The following ACAP2 variants were observed in gnomAD, a reference collection of about 807,000 sequenced individuals.
ACAP2 encodes the protein arf-GAP with coiled-coil, ANK repeat and PH domain-containing protein 2.
A neutral mutation model predicts 115.8 loss-of-function variants in ACAP2; 39 were observed. The ratio of observed to expected loss-of-function variants is 0.34; its 90% CI spans 0.26 to 0.44. The LOEUF is 0.44. ACAP2 is among the 20% of genes least tolerant of loss of function. ACAP2 has a pLI of 1.00. For missense variants in ACAP2, 662 were observed against 927.6 expected, an observed-to-expected ratio of 0.71 and a Z score of 3.72; for synonymous variants, 289 against 315.8, an observed-to-expected ratio of 0.92 and a Z score of 0.90.
chr3:195,369,528 T>C (rs1223896706), intron 4 of ACAP2, among the ~76,000 whole-genome samples: 2 of 152,232 alleles, frequency 1.3e-5, no homozygotes, highest in African/African-American at 4.8e-5. Context: ...TATTTGGTTT[T>C]CTGTTCCTAT....
At position 195,424,100 on chromosome 3, in the gene ACAP2, T is replaced by A. The variant is rs534563338; in HGVS notation, c.53+18695A>T. 3.7e-4 allele frequency among the ~76,000 whole-genome samples: 56 copies of A among 151,682 alleles called. No individual in the cohort carries two copies. The Middle Eastern group carries it at 0.017, about 46-fold the overall frequency. On this transcript the variant is annotated intron_variant, in intron 1 of 22. Coordinates refer to ENST00000326793, the MANE Select transcript of ACAP2 (RefSeq NM_012287.6). Reference sequence around the variant, plus strand: ...GATGGTTCAAGATTCAGAGCAGAAATGACAGAGTTCAAATCCCCTCCTACC... The same window carrying A: ...GATGGTTCAAGATTCAGAGCAGAAAAGACAGAGTTCAAATCCCCTCCTACC...
intron 10 of ACAP2, among the ~76,000 whole-genome samples, chr3:195,310,846 T>C (rs1253536769): frequency 6.6e-6 from 1 of 152,198 alleles, no homozygotes; most frequent in Admixed American, 6.5e-5. Context: ...GGAAAGAAAA[T>C]ATAAACTCTT....
chr3:195,386,711 G>A (rs558286771), intron 2 of ACAP2, among the ~76,000 whole-genome samples: 2 of 152,026 alleles, frequency 1.3e-5, no homozygotes, highest in East Asian at 3.9e-4. Context: ...ATGATGCGTT[G>A]ATGGGTGCAG....
chr3:195,296,346 A>AG (rs201511025), intron 16 of ACAP2, among the ~76,000 whole-genome samples: 2,036 of 152,320 alleles, frequency 0.013, 32 homozygotes, highest in African/African-American at 0.043. Context: ...AACAACATAT[A>AG]GCATTATTAA....
At chr3:195,424,696 G>A (rs1343513001) in intron 1 of ACAP2, among the ~76,000 whole-genome samples, 1 of 151,794 alleles carries the variant, frequency 6.6e-6, no homozygotes, top group Non-Finnish European at 1.5e-5. Flanking sequence ...TGGGAGGATA[G>A]CTTCAGCCCA....
chr3:195,396,407 T>C (rs1711778194), intron 1 of ACAP2, among the ~76,000 whole-genome samples: 1 of 152,086 alleles, frequency 6.6e-6, no homozygotes, highest in Non-Finnish European at 1.5e-5. Context: ...AGCTACTGTT[T>C]GTAAAAAGAG....
intron 10 of ACAP2, among the ~76,000 whole-genome samples, chr3:195,319,985 G>A (rs1477943711): frequency 6.6e-6 from 1 of 152,142 alleles, no homozygotes; most frequent in Admixed American, 6.5e-5. Context: ...TGGGTCATGG[G>A]AGCGGTTTCC....
intron 16 of ACAP2, 86 bp downstream of exon 16, chr3:195,297,104 G>A: frequency 8.5e-7 from 1 of 1,181,806 alleles, no homozygotes. Flanking sequence ...TAAACACTTT[G>A]TCTCAATGTT....
At chr3:195,322,507 C>CT (rs1729514954) in intron 9 of ACAP2, among the ~76,000 whole-genome samples, 1 of 152,044 alleles carries the variant, frequency 6.6e-6, no homozygotes, top group Non-Finnish European at 1.5e-5. Context: ...ACCTTTGAAA[C>CT]TTTAACCACG....
At chr3:195,369,182 T>C (rs1470985912) in intron 4 of ACAP2, among the ~76,000 whole-genome samples, 1 of 152,210 alleles carries the variant, frequency 6.6e-6, no homozygotes, top group Non-Finnish European at 1.5e-5. Flanking sequence ...TCAAAAACAT[T>C]TTTTTAAATC....
intron 21 of ACAP2, among the ~76,000 whole-genome samples, chr3:195,288,917 A>G (rs1005830796): frequency 4.6e-5 from 7 of 152,360 alleles, no homozygotes; most frequent in African/African-American, 1.7e-4. Flanking sequence ...TTTCCATTGT[A>G]TTAAGTATAA....
chr3:195,377,736 T>C (rs767948365), intron 4 of ACAP2, among the ~76,000 whole-genome samples: 1 of 151,912 alleles, frequency 6.6e-6, no homozygotes, highest in Non-Finnish European at 1.5e-5. Flanking sequence ...AGAAGAAAAT[T>C]AAAAGAAAGT....
chr3:195,288,103 A>T (rs899197159), intron 21 of ACAP2, among the ~76,000 whole-genome samples: 1 of 152,066 alleles, frequency 6.6e-6, no homozygotes, highest in African/African-American at 2.4e-5. Context: ...CTGTCTCAAA[A>T]AAAAAAAAAA....
At chr3:195,437,345 C>T (rs2108873315) in intron 1 of ACAP2, among the ~76,000 whole-genome samples, 1 of 152,252 alleles carries the variant, frequency 6.6e-6, no homozygotes, top group South Asian at 2.1e-4. Flanking sequence ...CCCAGCCTAA[C>T]AAATGAAATT....
chr3:195,306,887 A>AAT (rs1728459912), intron 12 of ACAP2: 1 of 302,920 alleles, frequency 3.3e-6, no homozygotes, highest in South Asian at 7.1e-5. Context: ...TTACCATATA[A>AAT]ATATAGAAAC....
Position 195,295,742 on chromosome 3 carries a change from T to C in ACAP2, c.1638A>G (p.Pro546=). The C allele has an allele frequency of 1.2e-6, 2 of 1,614,170 alleles. No homozygotes were observed. Among genetic ancestry groups the C allele is most frequent in the East Asian group, 2.2e-5 (1 of 44,866 alleles). Residue 546 remains proline (P), a synonymous_variant, in exon 17 of 23, where the codon CCA becomes CCG. Transcript: ENST00000326793. ...GGGCAGATGCTCTGACTTGGTCCCC[T>C]GGCCCAAATTTAGAAATGCTCAGCC... ...EKRLSISKFG[P]GDQVRASAQS...
intron 1 of ACAP2, among the ~76,000 whole-genome samples, chr3:195,435,346 T>G (rs955554924): frequency 2.0e-5 from 3 of 152,194 alleles, no homozygotes; most frequent in Admixed American, 2.0e-4. Flanking sequence ...AGCTAATTTT[T>G]GTATTTTTAG....
chr3:195,359,971 G>T (rs1732243010), intron 4 of ACAP2, among the ~76,000 whole-genome samples: 1 of 152,134 alleles, frequency 6.6e-6, no homozygotes, highest in African/African-American at 2.4e-5. Flanking sequence ...CACTATGGAA[G>T]AGAAGACCAC....
chr3:195,326,735 T>G lies in ACAP2; in HGVS notation c.744+150A>C, dbSNP rs192862610. 4.6e-4 allele frequency: 272 copies of G among 596,508 alleles called. 4 individuals carry two copies. In the Admixed American group the frequency reaches 7.9e-3, roughly 17 times the overall value. 37.0% of individuals were successfully genotyped at this position (596,508 alleles called of 1,614,324 possible). A position where few individuals can be genotyped will look rare whatever the true frequency, so the allele number is the denominator to read the frequency against. On this transcript the variant is annotated intron_variant, in intron 9 of 22. Coordinates refer to ENST00000326793, the MANE Select transcript of ACAP2 (RefSeq NM_012287.6). ...TACATACCTTAAAATCTGAAGAACA[T>G]TTTGCTCTTCAAAAACAAAAGAGGA...
Sources: gnomAD v4.1 joint callset for allele counts (sites outside exome capture counted in the v4.1 genomes callset) on GRCh38, gnomAD v4.1.1 for gene constraint, MANE v1.5 for transcripts, NCBI Gene and HGNC (gene_info 2026-07-23, HGNC 2026-07-21) for gene names.